NLRP11: variants seen among roughly 807,000 people sequenced by gnomAD.
NLRP11 encodes NACHT, LRR and PYD domains-containing protein 11.
NLRP11 carries 53 observed loss-of-function variants against 79.3 expected under a neutral mutation model. The ratio of observed to expected loss-of-function variants is 0.67; its 90% CI spans 0.54 to 0.84. The LOEUF is 0.84. Ranked by LOEUF, NLRP11 falls within the 40% of genes least tolerant of loss-of-function variation. The pLI is 0.00. For synonymous variants in NLRP11, 518 were observed against 462.6 expected (o/e 1.12, Z -1.54); for missense variants, 1,264 against 1,255.0 (o/e 1.01, Z -0.11).
chr19:55,827,741 G>A (rs965771880), intron 1 of NLRP11, among the ~76,000 whole-genome samples: 12 of 151,854 alleles, frequency 7.9e-5, no homozygotes, highest in African/African-American at 2.9e-4. Flanking sequence ...AGTTAGAATG[G>A]TGATCATTAA....
exon 6 of NLRP11, chr19:55,796,208 G>A (rs767166019): frequency 5.6e-6 from 9 of 1,613,726 alleles, no homozygotes; most frequent in South Asian, 2.2e-5. Flanking sequence ...GGAGAGAGGC[G>A]ATTTCTTCAC....
At chr19:55,830,137 T>C (rs1291183552) in intron 1 of NLRP11, among the ~76,000 whole-genome samples, 1 of 152,178 alleles carries the variant, frequency 6.6e-6, no homozygotes, top group African/African-American at 2.4e-5. Flanking sequence ...TTAACACAAG[T>C]GTTTTCTTCT....
At chr19:55,787,194 A>G (rs73933367) in intron 9 of NLRP11, among the ~76,000 whole-genome samples, 9,554 of 152,256 alleles carry the variant, frequency 0.063, 905 homozygotes, top group African/African-American at 0.21. Context: ...AGGTAGAAAC[A>G]GAATGCTAGA....
At chr19:55,795,365 C>T (rs1399247252) in intron 6 of NLRP11, among the ~76,000 whole-genome samples, 1 of 151,924 alleles carries the variant, frequency 6.6e-6, no homozygotes, top group African/African-American at 2.4e-5. Flanking sequence ...TGTTCTCAGT[C>T]ACATCTCATC....
intron 5 of NLRP11, among the ~76,000 whole-genome samples, chr19:55,796,985 G>T (rs535531234): frequency 2.0e-5 from 3 of 152,100 alleles, no homozygotes; most frequent in African/African-American, 7.2e-5. Context: ...CACTGTGTCC[G>T]GTCTAACTTT....
rs76935241 is a variant in NLRP11, at chr19:55,818,081, G to T, written c.94C>A (p.Arg32Ser). The change falls in exon 2 of 10, where the codon CGC becomes AGC. Residue 32 changes from arginine (R) to serine (S), a missense_variant. Coordinates refer to ENST00000589093, the Ensembl canonical transcript of NLRP11. ...GGCAGTTTGAAATCAAGAATCTTGC[G>T]TGCCAGATACTTCTTAAAACTCTGA... 6 of 1,613,532 alleles carry T rather than the reference G, an allele frequency of 3.7e-6. No individual in the cohort carries two copies. In the South Asian group the frequency reaches 5.5e-5, roughly 15 times the overall value.
intron 8 of NLRP11, 104 bp from the exon 9 acceptor site, chr19:55,789,081 G>A (rs1234451812): frequency 7.0e-7 from 1 of 1,435,364 alleles, no homozygotes; most frequent in African/African-American, 1.4e-5. Flanking sequence ...CAAGTTTTGG[G>A]CAAAAGAACT....
chr19:55,785,492 GTC>G (rs368692979), exon 10 of NLRP11: 30,404 of 649,758 alleles, frequency 0.047, 1,029 homozygotes, highest in Middle Eastern at 0.055. Context: ...CTGGATCAAG[GTC>G]ACACACACAC....
At chr19:55,805,767 C>T (rs1280577396) in intron 4 of NLRP11, among the ~76,000 whole-genome samples, 5 of 152,132 alleles carry the variant, frequency 3.3e-5, no homozygotes, top group South Asian at 2.1e-4. Context: ...CTCGAACTCC[C>T]AACCTCAAGT....
At chr19:55,786,954 A>T (rs1357391518) in intron 9 of NLRP11, among the ~76,000 whole-genome samples, 1 of 152,200 alleles carries the variant, frequency 6.6e-6, no homozygotes, top group Non-Finnish European at 1.5e-5. Context: ...TCACTTAGAG[A>T]TGACAAGGGA....
Position 55,829,019 on chromosome 19 carries a change from G to A in NLRP11, c.-63+2944C>T, listed in dbSNP as rs373984711. ...AAGAAGTTACAAATGGCTAACACAC[G>A]TATATACAAAATTAGCACCTTGTAG... On this transcript the variant is annotated intron_variant, in intron 1 of 9. Transcript: ENST00000589093. Among the ~76,000 whole-genome samples the A allele has an allele frequency of 1.6e-4, 24 of 152,224 alleles. No homozygotes were observed. In the East Asian group the frequency reaches 2.3e-3, roughly 15 times the overall value.
At chr19:55,832,585 A>C (rs1982902474), upstream of NLRP11, among the ~76,000 whole-genome samples, 1 of 152,262 alleles carries the variant, frequency 6.6e-6, no homozygotes, top group Non-Finnish European at 1.5e-5. Flanking sequence ...TGCTTTAGTC[A>C]GGAGGGAGTA....
rs1568636666 is a variant in NLRP11, at chr19:55,809,660, T to C, written c.950A>G (p.Gln317Arg). The C allele has an allele frequency of 1.2e-6, 2 of 1,614,120 alleles. No individual in the cohort carries two copies. Among genetic ancestry groups the C allele is most frequent in the Admixed American group, 1.7e-5 (1 of 60,010 alleles). Reference sequence around the variant, plus strand: ...AAGCTGGAGGGCTGCCGACGCCCTCTGGCGGTCTTTAAAGAAAGAGTTAAA... The same window carrying C: ...AAGCTGGAGGGCTGCCGACGCCCTCCGGCGGTCTTTAAAGAAAGAGTTAAA... Residue 317 changes from glutamine to arginine, a missense_variant, in exon 3 of 10, where the codon CAG becomes CGG. Coordinates refer to ENST00000589093, the Ensembl canonical transcript of NLRP11. The surrounding 1 kb of genome is among the most constrained non-coding windows in gnomAD (Gnocchi z 4.5).
intron 4 of NLRP11, among the ~76,000 whole-genome samples, chr19:55,804,931 C>T (rs1051600776): frequency 2.6e-5 from 4 of 151,942 alleles, no homozygotes; most frequent in Non-Finnish European, 4.4e-5. Flanking sequence ...GGCGTGGTGG[C>T]GTGCACCTCT....
rs147284650 is a variant in NLRP11 at position 55,816,566 on chromosome 19, T to C, written c.271+1338A>G. ...CGGGAGGGACTAAATGAGCCAATGA[T>C]GACGACCTGCATAGGAGTGTACCCA... On this transcript the variant is annotated intron_variant, in intron 2 of 9. Transcript: ENST00000589093. 4.3e-4 allele frequency among the ~76,000 whole-genome samples: 66 copies of C among 152,310 alleles called. 1 individual carries two copies. In the East Asian group the frequency reaches 8.7e-3, roughly 20 times the overall value.
At chr19:55,795,963 G>A in intron 6 of NLRP11, 117 bp downstream of exon 6, 5 of 890,588 alleles carry the variant, frequency 5.6e-6, no homozygotes, top group South Asian at 5.0e-5. Context: ...TCCAAAGACT[G>A]TGCTTTCGGC....
intron 2 of NLRP11, among the ~76,000 whole-genome samples, chr19:55,816,260 A>C (rs1410473290): frequency 6.6e-6 from 1 of 152,222 alleles, no homozygotes; most frequent in Non-Finnish European, 1.5e-5. Flanking sequence ...AACAGATTCC[A>C]TGACAAAAAC....
rs764284642 is a variant in NLRP11 at position 55,809,284 on chromosome 19, A to T, written c.1326T>A (p.His442Gln). The stretch of plus-strand genomic sequence containing the variant: ...AGTGTATGAACTTGTAACGGTCTTT[A>T]TGAGTGTTGCTCGGCAAAAGAATAT... Residue 442 changes from histidine (H) to glutamine (Q), a missense_variant, in exon 3 of 10, where the codon CAT (histidine) becomes CAA (glutamine). By Grantham distance (24) the His-to-Gln change is conservative. Coordinates refer to ENST00000589093, the Ensembl canonical transcript of NLRP11. This position sits in a 1 kb window ranked among gnomAD's most constrained non-coding sequence, Gnocchi z 4.5. 2.8e-5 allele frequency: 46 copies of T among 1,614,084 alleles called. No individual in the cohort carries two copies. Among genetic ancestry groups the T allele is most frequent in the Non-Finnish European group, 3.9e-5 (46 of 1,179,936 alleles).
At chr19:55,785,665 G>T in exon 10 of NLRP11, 1 of 1,613,876 alleles carries the variant, frequency 6.2e-7, no homozygotes, top group Non-Finnish European at 8.5e-7. Context: ...CGTTCTCATG[G>T]CTGCAGACAT....
Sources: gnomAD v4.1 joint callset for allele counts (sites outside exome capture counted in the v4.1 genomes callset) on GRCh38, gnomAD v4.1.1 for gene constraint, Gnocchi (gnomAD v3.1) non-coding constraint, MANE v1.5 for transcripts, NCBI Gene and HGNC (gene_info 2026-07-23, HGNC 2026-07-21) for gene names.